The following PELI2 variants were observed in gnomAD, a reference collection of about 807,000 sequenced individuals.
The protein encoded by PELI2 is pellino E3 ubiquitin protein ligase family member 2.
A neutral mutation model predicts 42.3 loss-of-function variants in PELI2; 23 were observed. The observed-to-expected ratio is 0.54, with a 90% CI of 0.39 to 0.77. The LOEUF is 0.77. PELI2 is among the 30% of genes least tolerant of loss of function. The pLI, the probability that PELI2 is intolerant of heterozygous loss-of-function variation, is 0.00. For missense variants in PELI2, 463 were observed against 553.2 expected, an observed-to-expected ratio of 0.84 and a Z score of 1.64; for synonymous variants, 245 against 212.2, an observed-to-expected ratio of 1.15 and a Z score of -1.34.
intron 2 of PELI2, among the ~76,000 whole-genome samples, chr14:56,238,064 A>G (rs1887857968): frequency 6.6e-6 from 1 of 152,186 alleles, no homozygotes; most frequent in Admixed American, 6.5e-5. Flanking sequence ...TCTTTGCTTA[A>G]GAATAATTTT....
intron 2 of PELI2, among the ~76,000 whole-genome samples, chr14:56,202,265 C>T (rs909426699): frequency 2.0e-5 from 3 of 152,040 alleles, no homozygotes; most frequent in African/African-American, 7.3e-5. Context: ...GATAGCATCA[C>T]CCCTTTAGTA....
chr14:56,175,644 C>T (rs892339986), intron 1 of PELI2, among the ~76,000 whole-genome samples: 1 of 152,274 alleles, frequency 6.6e-6, no homozygotes. Context: ...AGTAGGCTGG[C>T]TTATTATTTG....
chr14:56,182,708 T>A (rs1218201367), intron 2 of PELI2, among the ~76,000 whole-genome samples: 1 of 152,198 alleles, frequency 6.6e-6, no homozygotes, highest in African/African-American at 2.4e-5. Flanking sequence ...CTTCACCGTG[T>A]TTGGGCTGCT....
intron 2 of PELI2, among the ~76,000 whole-genome samples, chr14:56,196,595 A>G (rs2139697936): frequency 6.6e-6 from 1 of 152,326 alleles, no homozygotes; most frequent in South Asian, 2.1e-4. Flanking sequence ...CTGTGATTGT[A>G]TTATACTGCC....
chr14:56,206,153 A>G (rs1886512045), intron 2 of PELI2, among the ~76,000 whole-genome samples: 1 of 152,222 alleles, frequency 6.6e-6, no homozygotes, highest in Non-Finnish European at 1.5e-5. Flanking sequence ...CCTAATTAGA[A>G]CAAATGGTAA....
Position 56,288,655 on chromosome 14 carries a change from C to T in PELI2, c.507+21C>T. On this transcript the variant is annotated intron_variant, in intron 4 of 5. Coordinates refer to ENST00000267460, the MANE Select transcript of PELI2 (RefSeq NM_021255.3). The surrounding 1 kb of genome is among the most constrained non-coding windows in gnomAD (Gnocchi z 4.6). Reference sequence around the variant, plus strand: ...TTGGAGTAAGTACTGTCAAGAAGTACACGATTTCTAGAAAAATGCTTGTGA... The same window carrying T: ...TTGGAGTAAGTACTGTCAAGAAGTATACGATTTCTAGAAAAATGCTTGTGA... 6.4e-7 allele frequency: 1 copy of T among 1,561,658 alleles called. No individual in the cohort carries two copies. Among genetic ancestry groups the T allele is most frequent in the African/African-American group, 1.4e-5 (1 of 73,832 alleles).
At chr14:56,263,917 A>C (rs1888811106) in intron 2 of PELI2, among the ~76,000 whole-genome samples, 2 of 152,326 alleles carry the variant, frequency 1.3e-5, no homozygotes, top group African/African-American at 4.8e-5. Context: ...ACAGAAGCTC[A>C]GAAATTGAAA....
chr14:56,140,999 G>T (rs1478429596), intron 1 of PELI2, among the ~76,000 whole-genome samples: 1 of 152,062 alleles, frequency 6.6e-6, no homozygotes, highest in African/African-American at 2.4e-5. Flanking sequence ...TAGTTGTCCT[G>T]TCTGCTGAGG....
chr14:56,191,531 A>G (rs768247914), intron 2 of PELI2, among the ~76,000 whole-genome samples: 49 of 152,186 alleles, frequency 3.2e-4, no homozygotes, highest in Admixed American at 5.2e-4. Context: ...TGGGCACCTC[A>G]AAAGGAGAAG....
At chr14:56,267,877 G>A (rs984095297) in intron 2 of PELI2, among the ~76,000 whole-genome samples, 5 of 152,102 alleles carry the variant, frequency 3.3e-5, no homozygotes, top group African/African-American at 1.2e-4. Context: ...GCTTATCCTT[G>A]TAAGTTTCAA....
intron 1 of PELI2, among the ~76,000 whole-genome samples, chr14:56,128,449 A>G (rs1883360072): frequency 6.6e-6 from 1 of 152,164 alleles, no homozygotes; most frequent in Non-Finnish European, 1.5e-5. Context: ...TCCCCTAGTT[A>G]GTGGGAATCT....
chr14:56,171,764 C>G (rs1311447356), intron 1 of PELI2, among the ~76,000 whole-genome samples: 1 of 151,504 alleles, frequency 6.6e-6, no homozygotes, highest in Non-Finnish European at 1.5e-5. Context: ...GCCTGTAATC[C>G]CAGCACTTTG....
At chr14:56,179,630 A>T (rs996430084) in intron 2 of PELI2, among the ~76,000 whole-genome samples, 7 of 152,242 alleles carry the variant, frequency 4.6e-5, no homozygotes, top group African/African-American at 1.4e-4. Context: ...AGAACATTTT[A>T]TGAGGAAAAC....
At chr14:56,135,393 A>G (rs565184838) in intron 1 of PELI2, among the ~76,000 whole-genome samples, 5 of 152,160 alleles carry the variant, frequency 3.3e-5, no homozygotes. Flanking sequence ...TGCCTTGTAG[A>G]TTTTCTTAAT....
Position 56,178,333 on chromosome 14 carries a change from A to G in PELI2, c.78-2A>G, listed in dbSNP as rs1285527399. 1 of 1,613,834 alleles carries G rather than the reference A, an allele frequency of 6.2e-7. No homozygotes were observed. The highest frequency in any genetic ancestry group is 8.5e-7 in the Non-Finnish European group (1 of 1,179,818). Reference sequence around the variant, plus strand: ...GATGAACTCTTTCCTCTCTGTTTCTAGGTACAATGGTGCTTTACCCAATGG... The same window carrying G: ...GATGAACTCTTTCCTCTCTGTTTCTGGGTACAATGGTGCTTTACCCAATGG... On this transcript the variant is annotated splice_acceptor_variant, in intron 1 of 5. Coordinates refer to ENST00000267460, the MANE Select transcript of PELI2 (RefSeq NM_021255.3). LOFTEE classifies it high-confidence loss of function.
At chr14:56,280,873 C>G (rs1392062255) in intron 3 of PELI2, among the ~76,000 whole-genome samples, 2 of 151,862 alleles carry the variant, frequency 1.3e-5, no homozygotes. Flanking sequence ...ATCACTTTTC[C>G]CATGCTTTCA....
intron 1 of PELI2, among the ~76,000 whole-genome samples, chr14:56,137,770 T>A (rs1883737748): frequency 6.6e-6 from 1 of 152,228 alleles, no homozygotes; most frequent in African/African-American, 2.4e-5. Context: ...AAATTGCTGA[T>A]GTGCTTTAGG....
chr14:56,164,449 T>C (rs1884879010), intron 1 of PELI2, among the ~76,000 whole-genome samples: 1 of 152,148 alleles, frequency 6.6e-6, no homozygotes, highest in Admixed American at 6.5e-5. Flanking sequence ...TGCTAGTATT[T>C]TGTTGTGGAT....
chr14:56,258,974 A>G (rs1164321205), intron 2 of PELI2, among the ~76,000 whole-genome samples: 2 of 152,150 alleles, frequency 1.3e-5, no homozygotes, highest in Admixed American at 6.5e-5. Context: ...AAAAAAGGCA[A>G]TATGCACAGA....
Sources: gnomAD v4.1 joint callset for allele counts (sites outside exome capture counted in the v4.1 genomes callset) on GRCh38, gnomAD v4.1.1 for gene constraint, Gnocchi (gnomAD v3.1) non-coding constraint, MANE v1.5 for transcripts, NCBI Gene and HGNC (gene_info 2026-07-23, HGNC 2026-07-21) for gene names.